The following ARHGAP10 variants were observed in gnomAD, a reference collection of about 807,000 sequenced individuals.
The protein encoded by ARHGAP10 is rho GTPase-activating protein 10.
ARHGAP10 carries 87 observed loss-of-function variants against 108.6 expected under a neutral mutation model. The observed-to-expected ratio is 0.80, with a 90% CI of 0.67 to 0.96. The LOEUF (loss-of-function observed/expected upper bound fraction) is 0.96, where lower values mean the gene tolerates loss of function less well. Among genes scored for constraint, ARHGAP10 ranks in the 40% least tolerant of loss-of-function variants. The pLI is 0.00. For synonymous variants in ARHGAP10, 347 were observed against 341.1 expected (o/e 1.02, Z -0.19); for missense variants, 939 against 954.5 (o/e 0.98, Z 0.21).
At chr4:147,839,564 C>T (rs1733328720) in intron 3 of ARHGAP10, among the ~76,000 whole-genome samples, 1 of 152,188 alleles carries the variant, frequency 6.6e-6, no homozygotes, top group Non-Finnish European at 1.5e-5. Flanking sequence ...ACTAAAGATA[C>T]TATAGGATGT....
At chr4:147,867,529 G>A (rs1157522406) in intron 7 of ARHGAP10, among the ~76,000 whole-genome samples, 1 of 152,172 alleles carries the variant, frequency 6.6e-6, no homozygotes, top group Non-Finnish European at 1.5e-5. Context: ...AGATGGATGG[G>A]AAGCTGTGGT....
chr4:147,884,494 C>T (rs1407783169), intron 10 of ARHGAP10, among the ~76,000 whole-genome samples: 1 of 152,140 alleles, frequency 6.6e-6, no homozygotes, highest in Admixed American at 6.5e-5. Flanking sequence ...GGCATAGGGG[C>T]CTGGATTCCT....
intron 18 of ARHGAP10, among the ~76,000 whole-genome samples, chr4:147,973,019 T>C (rs1190330892): frequency 2.0e-5 from 3 of 152,074 alleles, no homozygotes; most frequent in Non-Finnish European, 4.4e-5. Flanking sequence ...TTTCCTAAAG[T>C]GCTGGGATTA....
intron 10 of ARHGAP10, among the ~76,000 whole-genome samples, chr4:147,887,533 C>T (rs1227778832): frequency 6.6e-6 from 1 of 152,074 alleles, no homozygotes; most frequent in Non-Finnish European, 1.5e-5. Context: ...ATAAACATAA[C>T]AATTCTTCAA....
chr4:147,926,056 T>C (rs1560829702), intron 13 of ARHGAP10, among the ~76,000 whole-genome samples: 1 of 152,154 alleles, frequency 6.6e-6, no homozygotes, highest in East Asian at 1.9e-4. Context: ...TCCACCATGC[T>C]GGGGTGGTGT....
At chr4:147,940,695 G>A (rs1360341400) in intron 14 of ARHGAP10, among the ~76,000 whole-genome samples, 1 of 152,136 alleles carries the variant, frequency 6.6e-6, no homozygotes, top group African/African-American at 2.4e-5. Context: ...AATGCCCTCA[G>A]GTGTGCTGTG....
rs764443220 is a variant in ARHGAP10, at chr4:147,822,782, G to A, written c.210G>A (p.Glu70=). Residue 70 remains glutamate (E), a synonymous_variant, in exon 2 of 23, where the codon GAG becomes GAA. Transcript: ENST00000336498. ...ATTCACTCAGAGACTTTAAGTTTGAGTTTATCGGTGATGCTGTGACAGATG... is the reference window on the plus strand; with the variant it reads ...ATTCACTCAGAGACTTTAAGTTTGAATTTATCGGTGATGCTGTGACAGATG... ...FAHSLRDFKF[E]FIGDAVTDDE... The A allele has an allele frequency of 5.0e-6, 8 of 1,614,222 alleles. No individual in the cohort carries two copies. The highest frequency in any genetic ancestry group is 5.9e-6 in the Non-Finnish European group (7 of 1,180,050).
intron 1 of ARHGAP10, among the ~76,000 whole-genome samples, chr4:147,762,073 T>C (rs1729611992): frequency 6.6e-6 from 1 of 152,210 alleles, no homozygotes; most frequent in Non-Finnish European, 1.5e-5. Context: ...AGTGGCACAA[T>C]CTCAGCTCAT....
Position 147,879,464 on chromosome 4 carries a change from A to C in ARHGAP10, c.939+126A>C, listed in dbSNP as rs1211536214. The C allele has an allele frequency of 4.8e-6, 4 of 827,472 alleles. No homozygotes were observed. The East Asian group carries it at 8.5e-5, about 18-fold the overall frequency. 51.3% of individuals were successfully genotyped at this position (827,472 alleles called of 1,614,324 possible). Reference sequence around the variant, plus strand: ...ATGGTAAATAAATTGTTAGTATTAAAATCTTTGTTTTGTTTTTGAGTGAAA... The same window carrying C: ...ATGGTAAATAAATTGTTAGTATTAACATCTTTGTTTTGTTTTTGAGTGAAA... On this transcript the variant is annotated intron_variant, in intron 9 of 22. Coordinates refer to ENST00000336498, the MANE Select transcript of ARHGAP10 (RefSeq NM_024605.4).
chr4:147,897,777 A>G (rs963735873), intron 10 of ARHGAP10, among the ~76,000 whole-genome samples: 1 of 152,224 alleles, frequency 6.6e-6, no homozygotes, highest in African/African-American at 2.4e-5. Flanking sequence ...TGAAATCAGT[A>G]ATCAGTGGTC....
intron 20 of ARHGAP10, among the ~76,000 whole-genome samples, chr4:148,048,956 A>G (rs1729007118): frequency 6.7e-6 from 1 of 150,144 alleles, no homozygotes; most frequent in South Asian, 2.1e-4. Flanking sequence ...CCTGGAAAGG[A>G]GATTTTTTTT....
intron 18 of ARHGAP10, among the ~76,000 whole-genome samples, chr4:147,989,080 G>A (rs1740159930): frequency 6.6e-6 from 1 of 152,226 alleles, no homozygotes; most frequent in Admixed American, 6.5e-5. Flanking sequence ...GTACAAAAGA[G>A]AGAAATTTTA....
chr4:147,935,539 A>G (rs944110577), intron 13 of ARHGAP10, among the ~76,000 whole-genome samples: 1 of 152,234 alleles, frequency 6.6e-6, no homozygotes, highest in Non-Finnish European at 1.5e-5. Flanking sequence ...AATTTCTAAT[A>G]CTTGTTGATC....
intron 3 of ARHGAP10, among the ~76,000 whole-genome samples, chr4:147,836,654 C>CT (rs35099145): frequency 0.7 from 106,909 of 152,068 alleles, 42,475 homozygotes; most frequent in Non-Finnish European, 0.88. Flanking sequence ...TTCCTTAAAT[C>CT]TAAGTACCAA....
chr4:147,911,015 C>A (rs1736708151), intron 12 of ARHGAP10, among the ~76,000 whole-genome samples: 1 of 152,006 alleles, frequency 6.6e-6, no homozygotes, highest in South Asian at 2.1e-4. Flanking sequence ...TCCTCCTCTT[C>A]CTCCCTTTTC....
intron 3 of ARHGAP10, among the ~76,000 whole-genome samples, chr4:147,840,877 A>G (rs1204872099): frequency 6.6e-6 from 1 of 152,166 alleles, no homozygotes; most frequent in Non-Finnish European, 1.5e-5. Flanking sequence ...AATATTGTAA[A>G]TGTATATTTT....
intron 10 of ARHGAP10, among the ~76,000 whole-genome samples, chr4:147,892,571 TGGGG>T (rs1560812912): frequency 1.3e-5 from 2 of 151,658 alleles, no homozygotes; most frequent in Non-Finnish European, 2.9e-5. Context: ...TTGAGCAGCA[TGGGG>T]GAGTGTGGGG....
chr4:147,769,994 A>G (rs2126717201), intron 1 of ARHGAP10, among the ~76,000 whole-genome samples: 1 of 152,362 alleles, frequency 6.6e-6, no homozygotes, highest in South Asian at 2.1e-4. Context: ...TCCAGATAAC[A>G]GCATAAGGAC....
intron 10 of ARHGAP10, among the ~76,000 whole-genome samples, chr4:147,894,120 T>C (rs1735898112): frequency 8.7e-6 from 1 of 114,512 alleles, no homozygotes; most frequent in Admixed American, 1.1e-4. Context: ...TATGTTTTTA[T>C]TAATCTTGCA....
Sources: allele counts gnomAD v4.1 joint callset (sites outside exome capture counted in the v4.1 genomes callset), GRCh38; gene constraint gnomAD v4.1.1; transcripts MANE v1.5; gene names NCBI Gene and HGNC (gene_info 2026-07-23, HGNC 2026-07-21).